Variants in OPHN1 observed in about 807,000 individuals in gnomAD.
OPHN1 encodes the protein oligophrenin 1.
Under a neutral mutation model 60.7 loss-of-function variants are expected in OPHN1, and 11 were observed. That is an observed-to-expected ratio of 0.18 (90% confidence interval 0.11 to 0.30). The LOEUF (loss-of-function observed/expected upper bound fraction) is 0.30. OPHN1 is among the 10% of genes least tolerant of loss of function. The pLI is 1.00. For synonymous variants in OPHN1, 226 were observed against 222.6 expected (o/e 1.02, Z -0.14); for missense variants, 449 against 611.0 (o/e 0.73, Z 2.80).
chrX:68,094,886 CA>C (rs2147401447), intron 19 of OPHN1, among the ~76,000 whole-genome samples: 1 of 111,422 alleles, frequency 9.0e-6, no homozygotes, highest in South Asian at 3.8e-4. Flanking sequence ...ACCATTTCCT[CA>C]GCCTAGAATC....
At chrX:68,265,583 CAG>C (rs2077919729) in intron 5 of OPHN1, among the ~76,000 whole-genome samples, 1 of 111,420 alleles carries the variant, frequency 9.0e-6, no homozygotes. Context: ...GGGGAAAAAA[CAG>C]AGAAGAAAAA....
At chrX:68,186,145 T>C (rs1405291862) in intron 15 of OPHN1, among the ~76,000 whole-genome samples, 1 of 111,622 alleles carries the variant, frequency 9.0e-6, no homozygotes, top group African/African-American at 3.3e-5. Flanking sequence ...CTATGAACTA[T>C]AGCTGCTGCT....
chrX:68,387,462 T>C (rs2078630663), intron 2 of OPHN1, among the ~76,000 whole-genome samples: 1 of 111,423 alleles, frequency 9.0e-6, no homozygotes, highest in Non-Finnish European at 1.9e-5. Context: ...ACAAACTATA[T>C]GATACTCTTT....
intron 6 of OPHN1, among the ~76,000 whole-genome samples, chrX:68,217,758 C>T (rs1170772103): frequency 9.2e-6 from 1 of 108,261 alleles, no homozygotes; most frequent in African/African-American, 3.3e-5. Context: ...GAAAGGACAT[C>T]CACACCAAAA....
At chrX:68,283,324 C>T (rs2078027122) in intron 3 of OPHN1, among the ~76,000 whole-genome samples, 1 of 111,650 alleles carries the variant, frequency 9.0e-6, no homozygotes, top group African/African-American at 3.3e-5. Context: ...AATCCCCATA[C>T]ACTTTAATAT....
intron 6 of OPHN1, among the ~76,000 whole-genome samples, chrX:68,228,912 G>A (rs1348923833): frequency 9.1e-6 from 1 of 109,986 alleles, no homozygotes; most frequent in East Asian, 2.9e-4. Context: ...TTCTGGCCAG[G>A]GCAATCAAGC....
At chrX:68,148,912 A>G (rs1038639616) in intron 15 of OPHN1, among the ~76,000 whole-genome samples, 1 of 111,633 alleles carries the variant, frequency 9.0e-6, no homozygotes, top group Non-Finnish European at 1.9e-5. Flanking sequence ...ATTCATCTCT[A>G]TAGCAATGTA....
chrX:68,214,639 A>G (rs1056858098), intron 6 of OPHN1, among the ~76,000 whole-genome samples: 7 of 112,111 alleles, frequency 6.2e-5, no homozygotes. Flanking sequence ...AAGGCAATAA[A>G]CACAGTCTGA....
At position 68,183,827 on chromosome X, in the gene OPHN1, G is replaced by A. The variant is rs755521510; in HGVS notation, c.1276+9092C>T. Among the ~76,000 whole-genome samples, 4 of 112,335 alleles carry A rather than the reference G, an allele frequency of 3.6e-5. No homozygotes were observed. The East Asian group carries it at 1.1e-3, about 31-fold the overall frequency. On this transcript the variant is annotated intron_variant, in intron 15 of 24. Coordinates refer to ENST00000355520, the MANE Select transcript of OPHN1 (RefSeq NM_002547.3). ...TTTTCTCCTACTAATCTTGTCTTTT[G>A]TTACAAGGGTATGTTCTGACTAAGA...
chrX:68,433,578 C>A (rs908284355), upstream of OPHN1: 26 of 292,604 alleles, frequency 8.9e-5, no homozygotes, highest in African/African-American at 6.6e-4. Context: ...CCAGCGAAGC[C>A]CGAGGACCAA....
rs150246617 is a variant in OPHN1 at position 68,100,331 on chromosome X, A to G, written c.1527-3302T>C. Among the ~76,000 whole-genome samples, 1,017 of 111,990 alleles carry G rather than the reference A, an allele frequency of 9.1e-3. 15 individuals are homozygous for G. The highest frequency in any genetic ancestry group is 0.032 in the African/African-American group (975 of 30,821). ...AGAAACACAAAACTAAAAAGGAAGC[A>G]GAAATCTGAACACAGAATAATGGAT... On this transcript the variant is annotated intron_variant, in intron 18 of 24. Coordinates refer to ENST00000355520, the MANE Select transcript of OPHN1 (RefSeq NM_002547.3).
intron 15 of OPHN1, among the ~76,000 whole-genome samples, chrX:68,136,837 T>C (rs1393552522): frequency 1.8e-5 from 2 of 112,085 alleles, no homozygotes; most frequent in Non-Finnish European, 1.9e-5. Context: ...TTGTTGGTTA[T>C]AGTATTTTGA....
chrX:68,108,232 C>G (rs908881585), intron 18 of OPHN1, among the ~76,000 whole-genome samples: 2 of 111,964 alleles, frequency 1.8e-5, no homozygotes, highest in African/African-American at 6.5e-5. Context: ...CTTGGTGGTA[C>G]TATTTATCCA....
intron 15 of OPHN1, among the ~76,000 whole-genome samples, chrX:68,145,250 T>C (rs2077258893): frequency 1.8e-5 from 2 of 111,725 alleles, no homozygotes; most frequent in African/African-American, 6.5e-5. Context: ...ATGATATAGG[T>C]TGATGAAAAC....
chrX:68,070,015 A>G (rs1025242853), intron 20 of OPHN1, among the ~76,000 whole-genome samples: 1 of 111,775 alleles, frequency 8.9e-6, no homozygotes, highest in African/African-American at 3.3e-5. Flanking sequence ...TATTCTAGGT[A>G]TGAAGGGAGG....
Position 68,266,833 on chromosome X carries a change from A to C in OPHN1, c.384+7905T>G, listed in dbSNP as rs140179945. ...GCTCAAAATAAAGGGATGGAAGAAG[A>C]TCTCCCAAGCACATGGAAAGCAAAA... On this transcript the variant is annotated intron_variant, in intron 5 of 24. Coordinates refer to ENST00000355520, the MANE Select transcript of OPHN1 (RefSeq NM_002547.3). Among the ~76,000 whole-genome samples the C allele has an allele frequency of 3.2e-3, 351 of 111,134 alleles. 2 individuals carry two copies. Among genetic ancestry groups the C allele is most frequent in the African/African-American group, 0.011 (337 of 30,579 alleles).
At chrX:68,222,959 A>G (rs915713809) in intron 6 of OPHN1, among the ~76,000 whole-genome samples, 10 of 111,205 alleles carry the variant, frequency 9.0e-5, no homozygotes, top group Non-Finnish European at 1.7e-4. Flanking sequence ...ATAAAAAGAA[A>G]AAAAAAGAAA....
chrX:68,378,460 G>T (rs1157333461), intron 2 of OPHN1, among the ~76,000 whole-genome samples: 1 of 111,637 alleles, frequency 9.0e-6, no homozygotes, highest in South Asian at 3.7e-4. Flanking sequence ...TCAAATTTTG[G>T]CTTTTGTTGC....
intron 3 of OPHN1, among the ~76,000 whole-genome samples, chrX:68,292,966 T>C: frequency 9.0e-6 from 1 of 111,714 alleles, no homozygotes; most frequent in Non-Finnish European, 1.9e-5. Flanking sequence ...ATATGAAAGA[T>C]AATCAATATT....
Sources: allele counts gnomAD v4.1 joint callset (sites outside exome capture counted in the v4.1 genomes callset), GRCh38; gene constraint gnomAD v4.1.1; transcripts MANE v1.5; gene names NCBI Gene and HGNC (gene_info 2026-07-23, HGNC 2026-07-21).